TECTA: variants seen among roughly 807,000 people sequenced by gnomAD.
TECTA encodes the protein alpha-tectorin.
Under a neutral mutation model 216.8 loss-of-function variants are expected in TECTA, and 128 were observed. The observed-to-expected ratio is 0.59, with a 90% confidence interval of 0.51 to 0.68. The LOEUF (loss-of-function observed/expected upper bound fraction) is 0.68. Among genes scored for constraint, TECTA ranks in the 30% least tolerant of loss-of-function variants. The probability of loss-of-function intolerance (pLI) is 0.00; values close to 1 mark genes in which losing one functional copy is unlikely to be tolerated. For synonymous variants in TECTA, 1,089 were observed against 1,117.1 expected (o/e 0.97, Z 0.50); for missense variants, 2,551 against 2,786.2 (o/e 0.92, Z 1.90).
chr11:121,142,994 C>T (rs1946799180), intron 11 of TECTA, among the ~76,000 whole-genome samples: 1 of 152,216 alleles, frequency 6.6e-6, no homozygotes, highest in African/African-American at 2.4e-5. Context: ...TCTCTCCTCC[C>T]CTTTCTGGTC....
rs763943666 is a variant in TECTA, at chr11:121,168,140, G to A, written c.5673G>A (p.Thr1891=). 38 of 1,614,058 alleles carry A rather than the reference G, an allele frequency of 2.4e-5. No homozygotes were observed. The highest frequency in any genetic ancestry group is 5.3e-5 in the African/African-American group (4 of 74,916). ...GCAACATCATCACCAGGGACCGCAC[G>A]ATCAATGTGGAATTTTCATGTGCTT... The part of the protein sequence containing the change: ...NTGNIITRDR[T]INVEFSCAYE... Residue 1891 remains threonine (T), a synonymous_variant, in exon 19 of 24, where the codon ACG becomes ACA. Transcript: ENST00000392793.
chr11:121,136,903 A>T (rs756039728), intron 10 of TECTA, among the ~76,000 whole-genome samples: 2 of 152,214 alleles, frequency 1.3e-5, no homozygotes, highest in Non-Finnish European at 2.9e-5. Context: ...TAAGGTACAC[A>T]AAAGTGCCTA....
intron 7 of TECTA, among the ~76,000 whole-genome samples, chr11:121,124,244 C>T (rs1034641348): frequency 1.3e-5 from 2 of 152,192 alleles, no homozygotes; most frequent in African/African-American, 4.8e-5. Flanking sequence ...ACTCTTAGAA[C>T]AGTGCCAAGT....
chr11:121,179,181 T>C (rs1274630579), intron 20 of TECTA, among the ~76,000 whole-genome samples: 1 of 152,140 alleles, frequency 6.6e-6, no homozygotes. Context: ...TAAATTTTCC[T>C]CTTAGCACTC....
At position 121,145,743 on chromosome 11, in the gene TECTA, C is replaced by T. The variant is rs1374827990; in HGVS notation, c.3732C>T (p.Tyr1244=). 6.2e-7 allele frequency: 1 copy of T among 1,614,248 alleles called. No individual in the cohort carries two copies. The highest frequency in any genetic ancestry group is 1.1e-5 in the South Asian group (1 of 91,084). ...GCACCTATGGTCTGTGTGGCCGCTA[C>T]AACGGCAACCCTGATGATGACCTGG... The part of the protein sequence containing the change: ...QNSTYGLCGR[Y]NGNPDDDLEM... The change falls in exon 12 of 24, where the codon TAC becomes TAT. Residue 1244 remains tyrosine (Y), a synonymous_variant. Coordinates refer to ENST00000392793, the MANE Select transcript of TECTA (RefSeq NM_005422.4).
chr11:121,180,257 C>T (rs1947213305), intron 20 of TECTA, among the ~76,000 whole-genome samples: 1 of 152,110 alleles, frequency 6.6e-6, no homozygotes, highest in South Asian at 2.1e-4. Flanking sequence ...TGTCATATAT[C>T]AACCCTTCAC....
intron 16 of TECTA, among the ~76,000 whole-genome samples, chr11:121,163,691 T>C (rs114341436): frequency 4.0e-4 from 61 of 152,326 alleles, no homozygotes; most frequent in African/African-American, 1.4e-3. Context: ...AAAAAATACA[T>C]ATATCATTAA....
At chr11:121,171,141 C>T (rs528505756) in intron 20 of TECTA, among the ~76,000 whole-genome samples, 4 of 152,148 alleles carry the variant, frequency 2.6e-5, no homozygotes, top group Non-Finnish European at 5.9e-5. Context: ...AATTCTTCTG[C>T]ATATGGATAT....
Position 121,118,423 on chromosome 11 carries a change from A to T in TECTA, c.908A>T (p.Glu303Val). ...CAGGAGGCTTCCTGTAGCCCCTACG[A>T]GGTGTGCGAACCCAAAGGCAAATTC... ...YCQEASCSPY[E>V]VCEPKGKFFY... is the part of the protein sequence containing the mutation. Residue 303 changes from glutamate to valine, a missense_variant, in exon 7 of 24, where the codon GAG (glutamate) becomes GTG (valine). By Grantham distance (121) the Glu-to-Val change is moderately radical. Around this residue, in one of 3 missense-constraint regions of TECTA, gnomAD observed 2,375 missense variants for 2,563.9 expected, o/e 0.93. Transcript: ENST00000392793. The T allele has an allele frequency of 6.2e-7, 1 of 1,614,200 alleles. No homozygotes were observed. Among genetic ancestry groups the T allele is most frequent in the African/African-American group, 1.3e-5 (1 of 75,052 alleles).
intron 10 of TECTA, among the ~76,000 whole-genome samples, chr11:121,132,269 ATC>A (rs1348883509): frequency 6.6e-6 from 1 of 152,116 alleles, no homozygotes; most frequent in Non-Finnish European, 1.5e-5. Context: ...AACCGATTGT[ATC>A]TGTTATCATA....
chr11:121,148,062 A>G (rs4436552), intron 12 of TECTA, among the ~76,000 whole-genome samples: 1 of 151,930 alleles, frequency 6.6e-6, no homozygotes, highest in Admixed American at 6.5e-5. Context: ...CCCTTCTACC[A>G]GGAACCCTTT....
intron 16 of TECTA, 106 bp downstream of exon 16, chr11:121,162,476 C>A: frequency 7.4e-7 from 1 of 1,360,028 alleles, no homozygotes; most frequent in South Asian, 1.3e-5. Context: ...CAGATTTACT[C>A]ATAGATCTGC....
At chr11:121,128,576 G>C (rs1386486984) in intron 9 of TECTA, among the ~76,000 whole-genome samples, 1 of 152,180 alleles carries the variant, frequency 6.6e-6, no homozygotes, top group African/African-American at 2.4e-5. Context: ...TAGCTCTCCG[G>C]AATAGCAAAT....
intron 14 of TECTA, among the ~76,000 whole-genome samples, chr11:121,159,868 T>C (rs2135122627): frequency 6.6e-6 from 1 of 152,358 alleles, no homozygotes; most frequent in South Asian, 2.1e-4. Flanking sequence ...CACAGTAAGA[T>C]GAGTGAATGC....
chr11:121,107,347 G>A (rs899780648), intron 3 of TECTA, among the ~76,000 whole-genome samples: 4 of 152,198 alleles, frequency 2.6e-5, no homozygotes, highest in Admixed American at 6.5e-5. Context: ...ATTTATTTGA[G>A]GGTAAATTGT....
rs1176325648 is a variant in TECTA, at chr11:121,118,382, C to A, written c.867C>A (p.Asn289Lys). 1 of 1,614,202 alleles carries A rather than the reference C, an allele frequency of 6.2e-7. No individual in the cohort carries two copies. Among genetic ancestry groups the A allele is most frequent in the Non-Finnish European group, 8.5e-7 (1 of 1,180,054 alleles). The change falls in exon 7 of 24, where the codon AAC (asparagine) becomes AAA (lysine). Residue 289 changes from asparagine to lysine, a missense_variant. Asn to Lys is a moderately conservative substitution (Grantham distance 94). Transcript: ENST00000392793. ...CTVKCRCLDFNNEIYCQEASC... is the reference protein window; with the variant it reads ...CTVKCRCLDFKNEIYCQEASC... ...TCAAGTGCCGCTGTCTGGATTTCAACAATGAGATCTACTGCCAGGAGGCTT... is the reference window on the plus strand; with the variant it reads ...TCAAGTGCCGCTGTCTGGATTTCAAAAATGAGATCTACTGCCAGGAGGCTT...
intron 1 of TECTA, 135 bp from the exon 2 acceptor site, chr11:121,102,530 C>T (rs2135046331): frequency 1.4e-6 from 1 of 726,892 alleles, no homozygotes; most frequent in South Asian, 1.5e-5. Context: ...CCCGACTCAG[C>T]ACTGTTGATG....
intron 10 of TECTA, 130 bp from the exon 11 acceptor site, chr11:121,137,291 A>T: frequency 8.3e-7 from 1 of 1,198,542 alleles, no homozygotes; most frequent in Non-Finnish European, 1.2e-6. Context: ...TGCATACACA[A>T]ATGCATGCAT....
intron 20 of TECTA, 58 bp from the exon 21 acceptor site, chr11:121,187,774 G>T (rs1453758130): frequency 6.3e-6 from 10 of 1,598,212 alleles, no homozygotes; most frequent in Admixed American, 1.7e-5. Flanking sequence ...TGAAGGTGAG[G>T]ATTAAGGTGT....
Sources: allele counts gnomAD v4.1 joint callset (sites outside exome capture counted in the v4.1 genomes callset), GRCh38; gene constraint gnomAD v4.1.1; regional missense constraint gnomAD v4.1.1; transcripts MANE v1.5; gene names NCBI Gene and HGNC (gene_info 2026-07-23, HGNC 2026-07-21).